The following STAC variants were observed in gnomAD, a reference collection of about 807,000 sequenced individuals.
STAC encodes SH3 and cysteine-rich domain-containing protein.
STAC carries 43 observed loss-of-function variants against 48.8 expected under a neutral mutation model. The observed-to-expected ratio is 0.88, with a 90% CI of 0.69 to 1.14. The LOEUF (loss-of-function observed/expected upper bound fraction) is 1.14. Ranked by LOEUF, STAC falls within the 50% of genes most tolerant of loss-of-function variation. The pLI is 0.00. For missense variants in STAC, 497 were observed against 504.0 expected (o/e 0.99, Z 0.13); for synonymous variants, 193 against 179.5 (o/e 1.07, Z -0.60).
intron 1 of STAC, among the ~76,000 whole-genome samples, chr3:36,398,953 AG>A (rs1365154003): frequency 6.6e-6 from 1 of 152,234 alleles, no homozygotes; most frequent in Non-Finnish European, 1.5e-5. Context: ...AGAAAACCCT[AG>A]GTAGGATACA....
At chr3:36,465,394 T>C (rs571840589) in intron 2 of STAC, among the ~76,000 whole-genome samples, 1 of 152,342 alleles carries the variant, frequency 6.6e-6, no homozygotes, top group East Asian at 1.9e-4. Flanking sequence ...GAAGATTTTC[T>C]CCCATTCTGT....
At chr3:36,453,267 G>T (rs929706882) in intron 2 of STAC, among the ~76,000 whole-genome samples, 11 of 152,250 alleles carry the variant, frequency 7.2e-5, no homozygotes, top group Non-Finnish European at 1.2e-4. Flanking sequence ...CCTTCAGCCC[G>T]CCGCTGCACT....
At chr3:36,450,172 C>T (rs907290488) in intron 2 of STAC, among the ~76,000 whole-genome samples, 5 of 152,154 alleles carry the variant, frequency 3.3e-5, no homozygotes, top group African/African-American at 1.2e-4. Context: ...AATTTATGTG[C>T]CTATTCCCAC....
At chr3:36,448,947 G>A (rs1272809247) in intron 2 of STAC, among the ~76,000 whole-genome samples, 3 of 150,076 alleles carry the variant, frequency 2.0e-5, no homozygotes, top group Non-Finnish European at 3.0e-5. Flanking sequence ...AAAATAAAAT[G>A]AGTAAAATTA....
chr3:36,398,255 T>G (rs1472883950), intron 1 of STAC, among the ~76,000 whole-genome samples: 1 of 149,242 alleles, frequency 6.7e-6, no homozygotes, highest in Non-Finnish European at 1.5e-5. Flanking sequence ...ATGAGCTTTG[T>G]AGTAAGACTA....
At chr3:36,506,518 C>G (rs1410973057) in intron 8 of STAC, among the ~76,000 whole-genome samples, 3 of 152,078 alleles carry the variant, frequency 2.0e-5, no homozygotes, top group Non-Finnish European at 4.4e-5. Context: ...TTACTTTGGG[C>G]AGTATGGCCA....
chr3:36,535,679 T>C lies in STAC; in HGVS notation c.1110+6694T>C, dbSNP rs528062330. Among the ~76,000 whole-genome samples, 254 of 152,308 alleles carry C rather than the reference T, an allele frequency of 1.7e-3. No individual in the cohort carries two copies. The Middle Eastern group carries it at 0.024, about 14-fold the overall frequency. Reference sequence around the variant, plus strand: ...GTTTATTGAGAGTTTTTAAAATGAATGGACGTTGAAATTTATTGAAGGCCT... The same window carrying C: ...GTTTATTGAGAGTTTTTAAAATGAACGGACGTTGAAATTTATTGAAGGCCT... On this transcript the variant is annotated intron_variant, in intron 10 of 10. Transcript: ENST00000273183.
chr3:36,426,030 T>TCAAAAAA (rs1227368816), intron 1 of STAC, among the ~76,000 whole-genome samples: 3 of 151,054 alleles, frequency 2.0e-5, no homozygotes, highest in African/African-American at 7.3e-5. Flanking sequence ...ACCCTCTCTC[T>TCAAAAAA]CAAAAAACAA....
intron 6 of STAC, 105 bp downstream of exon 6, chr3:36,493,334 A>G (rs1056634526): frequency 7.7e-6 from 8 of 1,043,938 alleles, no homozygotes; most frequent in Non-Finnish European, 1.2e-5. Flanking sequence ...TAGCTCTGGA[A>G]TTTAATCAGG....
At chr3:36,464,689 T>C (rs1267329232) in intron 2 of STAC, among the ~76,000 whole-genome samples, 1 of 152,172 alleles carries the variant, frequency 6.6e-6, no homozygotes, top group East Asian at 1.9e-4. Flanking sequence ...TCATATGATG[T>C]TTGGTTTTCC....
chr3:36,478,187 C>T (rs111830698), intron 2 of STAC, among the ~76,000 whole-genome samples: 232 of 152,230 alleles, frequency 1.5e-3, no homozygotes, highest in African/African-American at 4.0e-3. Flanking sequence ...TTCTTTCTTC[C>T]TTGTTGTCAC....
At chr3:36,510,261 C>T (rs1698502761) in intron 8 of STAC, among the ~76,000 whole-genome samples, 2 of 152,162 alleles carry the variant, frequency 1.3e-5, no homozygotes. Context: ...GAGATACCAT[C>T]TCATGCCAGT....
intron 10 of STAC, among the ~76,000 whole-genome samples, chr3:36,535,659 T>C (rs1021323229): frequency 5.9e-5 from 9 of 152,224 alleles, no homozygotes; most frequent in African/African-American, 2.2e-4. Context: ...ACCTAGTTTA[T>C]TGAGAGTTTT....
At chr3:36,520,125 C>G (rs1187307120) in intron 8 of STAC, among the ~76,000 whole-genome samples, 1 of 152,192 alleles carries the variant, frequency 6.6e-6, no homozygotes, top group African/African-American at 2.4e-5. Context: ...CTAGCATCCT[C>G]TTGAGTTCTT....
intron 8 of STAC, among the ~76,000 whole-genome samples, chr3:36,507,040 A>G (rs897225741): frequency 6.6e-6 from 1 of 152,214 alleles, no homozygotes; most frequent in Non-Finnish European, 1.5e-5. Context: ...TTGCCCATTC[A>G]GTATGATATT....
intron 1 of STAC, among the ~76,000 whole-genome samples, chr3:36,389,574 T>G (rs1429545826): frequency 6.6e-6 from 1 of 152,224 alleles, no homozygotes; most frequent in East Asian, 1.9e-4. Flanking sequence ...AATTACCATT[T>G]TTATATTTTT....
chr3:36,486,494 C>T (rs1441773056), intron 5 of STAC, among the ~76,000 whole-genome samples: 2 of 152,176 alleles, frequency 1.3e-5, no homozygotes, highest in African/African-American at 2.4e-5. Flanking sequence ...TGCTCCTTGA[C>T]CCTTCCCATG....
chr3:36,400,224 T>C (rs1324401730), intron 1 of STAC, among the ~76,000 whole-genome samples: 2 of 152,268 alleles, frequency 1.3e-5, no homozygotes, highest in African/African-American at 4.8e-5. Flanking sequence ...AGATAGATAA[T>C]AGAGAGATAA....
intron 8 of STAC, 23 bp from the exon 9 acceptor site, chr3:36,528,673 A>C: frequency 6.4e-7 from 1 of 1,568,192 alleles, no homozygotes; most frequent in East Asian, 2.3e-5. Flanking sequence ...TCCTTTACCT[A>C]ACTCATTCAT....
Sources: gnomAD v4.1 joint callset for allele counts (sites outside exome capture counted in the v4.1 genomes callset) on GRCh38, gnomAD v4.1.1 for gene constraint, MANE v1.5 for transcripts, NCBI Gene and HGNC (gene_info 2026-07-23, HGNC 2026-07-21) for gene names.